The following SASH1 variants were observed in gnomAD, a reference collection of about 807,000 sequenced individuals.
SASH1 encodes the protein SAM and SH3 domain-containing protein 1.
Under a neutral mutation model 125.2 loss-of-function variants are expected in SASH1, and 44 were observed. That is an observed-to-expected ratio of 0.35 (90% CI 0.28 to 0.45). The LOEUF (loss-of-function observed/expected upper bound fraction) is 0.45, where lower values mean the gene tolerates loss of function less well. Among genes scored for constraint, SASH1 ranks in the 20% least tolerant of loss-of-function variants. The pLI, the probability that SASH1 is intolerant of heterozygous loss-of-function variation, is 1.00. For missense variants in SASH1, 1,426 were observed against 1,614.5 expected (o/e 0.88, Z 2.00); for synonymous variants, 639 against 649.1 (o/e 0.98, Z 0.24).
the SASH1 span, among the ~76,000 whole-genome samples, chr6:148,199,490 G>A: frequency 6.6e-6 from 1 of 152,136 alleles, no homozygotes; most frequent in African/African-American, 2.4e-5. Flanking sequence ...TTGGGGCCAG[G>A]AGTTTGAAAC....
rs185704921 is a variant in SASH1 at position 148,363,651 on chromosome 6, C to T, written c.156+20428C>T. On this transcript the variant is annotated intron_variant, in intron 1 of 19. Transcript: ENST00000367467. ...TCCTGACCTCGTGATCCACCCGTCT[C>T]GGCCTCCCAAAGTGCTGGGATTACA... Among the ~76,000 whole-genome samples the T allele has an allele frequency of 5.3e-3, 799 of 152,086 alleles. 8 individuals carry two copies. Among genetic ancestry groups the T allele is most frequent in the African/African-American group, 0.018 (743 of 41,504 alleles).
At chr6:148,453,506 G>C (rs1777199479) in intron 4 of SASH1, among the ~76,000 whole-genome samples, 1 of 152,098 alleles carries the variant, frequency 6.6e-6, no homozygotes, top group Non-Finnish European at 1.5e-5. Flanking sequence ...GACTTAGCAA[G>C]ATCACAGACC....
intron 2 of SASH1, among the ~76,000 whole-genome samples, chr6:148,416,499 C>T (rs1373720589): frequency 6.6e-6 from 1 of 152,118 alleles, no homozygotes; most frequent in Non-Finnish European, 1.5e-5. Flanking sequence ...GCGTGGAGCA[C>T]CATGTGTGAG....
intron 1 of SASH1, among the ~76,000 whole-genome samples, chr6:148,376,468 A>G (rs2114766330): frequency 1.3e-5 from 2 of 152,302 alleles, no homozygotes; most frequent in Non-Finnish European, 2.9e-5. Context: ...GTTTTCCTTT[A>G]GCTTCTGGGT....
Position 148,450,161 on chromosome 6 carries a change from G to A in SASH1, c.386+9754G>A, listed in dbSNP as rs140311728. ...AAGTGAGACCCTTAATGCTCTTTCC[G>A]TGAACTAAAGAGCATTCAAGAAATT... On this transcript the variant is annotated intron_variant, in intron 4 of 19. Transcript: ENST00000367467. Among the ~76,000 whole-genome samples the A allele has an allele frequency of 6.2e-4, 95 of 152,116 alleles. No individual in the cohort carries two copies. The East Asian group carries it at 0.014, about 22-fold the overall frequency.
intron 4 of SASH1, among the ~76,000 whole-genome samples, chr6:148,452,829 A>G (rs1777167169): frequency 6.6e-6 from 1 of 152,148 alleles, no homozygotes; most frequent in African/African-American, 2.4e-5. Flanking sequence ...GTCCCCTAAA[A>G]TATGCCCTTC....
the SASH1 span, among the ~76,000 whole-genome samples, chr6:148,219,835 GGCTCTTTACA>G: frequency 1.3e-5 from 2 of 152,200 alleles, no homozygotes; most frequent in African/African-American, 4.8e-5. Flanking sequence ...GTGCATAGGA[GGCTCTTTACA>G]GCACAGGTGG....
At position 148,494,921 on chromosome 6, in the gene SASH1, C is replaced by T. The variant is rs376660474; in HGVS notation, c.729+7206C>T. 2.0e-5 allele frequency among the ~76,000 whole-genome samples: 3 copies of T among 152,276 alleles called. No homozygotes were observed. In the East Asian group the frequency reaches 5.8e-4, roughly 29 times the overall value. On this transcript the variant is annotated intron_variant, in intron 8 of 19. Transcript: ENST00000367467. ...AGATTATAAGATCTTTTAGTTGGCACCTTTTAAATCTTTTTGGGACTTTCT... is the reference window on the plus strand; with the variant it reads ...AGATTATAAGATCTTTTAGTTGGCATCTTTTAAATCTTTTTGGGACTTTCT...
intron 1 of SASH1, among the ~76,000 whole-genome samples, chr6:148,361,565 A>C (rs1324774681): frequency 6.6e-6 from 1 of 151,400 alleles, no homozygotes; most frequent in Non-Finnish European, 1.5e-5. Flanking sequence ...GCACCATTGC[A>C]CTCCAGCCTG....
At chr6:148,239,000 C>G in the SASH1 span, among the ~76,000 whole-genome samples, 2 of 152,170 alleles carry the variant, frequency 1.3e-5, no homozygotes, top group African/African-American at 4.8e-5. Context: ...AACTGTGAAT[C>G]TGCAAAGTAC....
chr6:148,387,580 CTTTCT>C, intron 1 of SASH1, among the ~76,000 whole-genome samples: 1 of 5,970 alleles, frequency 1.7e-4, no homozygotes, highest in South Asian at 9.8e-3. Flanking sequence ...TTCTTTCTTT[CTTTCT>C]TTCTTTCTTT....
At chr6:148,245,913 C>T in the SASH1 span, among the ~76,000 whole-genome samples, 2 of 151,288 alleles carry the variant, frequency 1.3e-5, no homozygotes, top group East Asian at 1.9e-4. Flanking sequence ...GGCGTGAACC[C>T]GGGAGATGGA....
At chr6:148,260,169 A>C in the SASH1 span, among the ~76,000 whole-genome samples, 26 of 152,350 alleles carry the variant, frequency 1.7e-4, no homozygotes, top group Admixed American at 1.4e-3. Flanking sequence ...TATATTTGAA[A>C]TATATAATCT....
At chr6:148,416,276 T>C (rs1784810354) in intron 2 of SASH1, among the ~76,000 whole-genome samples, 1 of 152,168 alleles carries the variant, frequency 6.6e-6, no homozygotes, top group Non-Finnish European at 1.5e-5. Context: ...TCCCTGAAAC[T>C]TGGCATGGAT....
rs994074912 is a variant in SASH1 at position 148,434,368 on chromosome 6, C to A, written c.286-5816C>A. 2.2e-4 allele frequency among the ~76,000 whole-genome samples: 34 copies of A among 152,254 alleles called. 1 individual carries two copies. In the East Asian group the frequency reaches 6.6e-3, roughly 29 times the overall value. Reference sequence around the variant, plus strand: ...GGGATTACAGGCATGAGCCACCGTGCGCGGCCTGGAGATCGTATTTTTAAG... The same window carrying A: ...GGGATTACAGGCATGAGCCACCGTGAGCGGCCTGGAGATCGTATTTTTAAG... On this transcript the variant is annotated intron_variant, in intron 2 of 19. Transcript: ENST00000367467.
At chr6:148,326,022 A>G (rs938433994) in intron 1 of SASH1, among the ~76,000 whole-genome samples, 3 of 129,448 alleles carry the variant, frequency 2.3e-5, no homozygotes, top group African/African-American at 8.2e-5. Flanking sequence ...GTGATTCCAC[A>G]TTGCTCTTGA....
intron 1 of SASH1, among the ~76,000 whole-genome samples, chr6:148,309,803 T>C (rs1421641901): frequency 1.3e-5 from 2 of 152,058 alleles, no homozygotes; most frequent in East Asian, 1.9e-4. Flanking sequence ...ATACACACCA[T>C]GTACAAGGGT....
chr6:148,457,994 A>G (rs1162600058), intron 4 of SASH1, among the ~76,000 whole-genome samples: 2 of 152,240 alleles, frequency 1.3e-5, no homozygotes, highest in Non-Finnish European at 2.9e-5. Context: ...TGTTGGCGAC[A>G]CAGAGCCAAA....
chr6:148,309,340 G>A (rs549353970), intron 1 of SASH1, among the ~76,000 whole-genome samples: 1 of 152,240 alleles, frequency 6.6e-6, no homozygotes, highest in South Asian at 2.1e-4. Context: ...GTTACAGAAA[G>A]GCCTTTGCTT....
Sources: gnomAD v4.1 joint callset for allele counts (sites outside exome capture counted in the v4.1 genomes callset) on GRCh38, gnomAD v4.1.1 for gene constraint, MANE v1.5 for transcripts, NCBI Gene and HGNC (gene_info 2026-07-23, HGNC 2026-07-21) for gene names.